Variants in RGS20 observed in about 807,000 individuals in gnomAD.
RGS20 encodes the protein regulator of G protein signaling 20.
Under a neutral mutation model 33.6 loss-of-function variants are expected in RGS20, and 30 were observed. That is an observed-to-expected ratio of 0.89 (90% confidence interval 0.67 to 1.21). The LOEUF is 1.21. Among genes scored for constraint, RGS20 ranks in the 50% most tolerant of loss-of-function variants. The probability of loss-of-function intolerance (pLI) is 0.00; values close to 1 mark genes in which losing one functional copy is unlikely to be tolerated. For synonymous variants in RGS20, 208 were observed against 197.9 expected, an observed-to-expected ratio of 1.05 and a Z score of -0.43; for missense variants, 472 against 502.4, an observed-to-expected ratio of 0.94 and a Z score of 0.58.
chr8:53,951,546 A>G (rs1254864573), intron 4 of RGS20, among the ~76,000 whole-genome samples: 1 of 152,114 alleles, frequency 6.6e-6, no homozygotes, highest in African/African-American at 2.4e-5. Flanking sequence ...AGCTATATTT[A>G]TTGGTCATTT....
intron 5 of RGS20, among the ~76,000 whole-genome samples, chr8:53,955,980 G>C (rs1031930032): frequency 6.6e-6 from 1 of 152,092 alleles, no homozygotes; most frequent in African/African-American, 2.4e-5. Context: ...CTCCTGTCAT[G>C]GAGCTCCTGG....
At position 53,851,924 on chromosome 8, in the gene RGS20, C is replaced by A. The variant is rs1295490167; in HGVS notation, c.25C>A (p.Gln9Lys). Residue 9 changes from glutamine to lysine, a missense_variant, in exon 1 of 6, where the codon CAA (glutamine) becomes AAA (lysine). Transcript: ENST00000297313. ...CATGCCCCAGCTTTCCCAAGATAAC[C>A]AAGAGTGCCTCCAGAAACATTTCTC... 1.9e-6 allele frequency: 3 copies of A among 1,613,966 alleles called. No individual in the cohort carries two copies. Among genetic ancestry groups the A allele is most frequent in the Admixed American group, 1.7e-5 (1 of 59,986 alleles).
At chr8:53,910,573 T>G in intron 2 of RGS20, among the ~76,000 whole-genome samples, 1 of 152,200 alleles carries the variant, frequency 6.6e-6, no homozygotes, top group East Asian at 1.9e-4. Flanking sequence ...ACTTACTATG[T>G]GACCCAGTGA....
intron 2 of RGS20, among the ~76,000 whole-genome samples, chr8:53,923,999 A>G (rs772742722): frequency 2.0e-5 from 3 of 151,224 alleles, no homozygotes; most frequent in Non-Finnish European, 2.9e-5. Flanking sequence ...CTTTCTTCAT[A>G]TGTTTTGGAA....
intron 2 of RGS20, among the ~76,000 whole-genome samples, chr8:53,925,742 A>C (rs543417652): frequency 6.6e-6 from 1 of 152,096 alleles, no homozygotes; most frequent in African/African-American, 2.4e-5. Context: ...TCTCAAAAAA[A>C]AAAGAAGTTA....
chr8:53,892,748 A>G (rs781164937), intron 2 of RGS20, among the ~76,000 whole-genome samples: 3 of 152,226 alleles, frequency 2.0e-5, no homozygotes, highest in Non-Finnish European at 4.4e-5. Flanking sequence ...CCTAATATTT[A>G]TCATTATTTT....
At chr8:53,913,729 G>T (rs575706397) in intron 2 of RGS20, 8 of 152,330 alleles carry the variant, frequency 5.3e-5, no homozygotes, top group Non-Finnish European at 1.0e-4. Flanking sequence ...AGCCTTCAGA[G>T]GCAGATGCCT....
intron 4 of RGS20, among the ~76,000 whole-genome samples, chr8:53,948,245 T>A (rs1326549230): frequency 2.9e-5 from 4 of 137,002 alleles, no homozygotes; most frequent in East Asian, 2.1e-4. Flanking sequence ...GCTATATATA[T>A]GATAGTATAT....
At chr8:53,885,343 G>A (rs573476006) in intron 2 of RGS20, among the ~76,000 whole-genome samples, 2 of 152,336 alleles carry the variant, frequency 1.3e-5, no homozygotes, top group East Asian at 3.9e-4. Flanking sequence ...GCCGGGCGCG[G>A]TGGCTCACGC....
chr8:53,874,384 G>A (rs532129745), intron 1 of RGS20, among the ~76,000 whole-genome samples: 20 of 148,710 alleles, frequency 1.3e-4, no homozygotes, highest in Non-Finnish European at 4.4e-5. Flanking sequence ...GTGTGTGTGT[G>A]TGTGTGTGTG....
chr8:53,956,316 G>A (rs1814862868), intron 5 of RGS20, among the ~76,000 whole-genome samples: 1 of 152,156 alleles, frequency 6.6e-6, no homozygotes, highest in African/African-American at 2.4e-5. Flanking sequence ...AGGGGTAGTC[G>A]GAGAGCATGG....
intron 2 of RGS20, among the ~76,000 whole-genome samples, chr8:53,916,473 G>A (rs1197677731): frequency 6.6e-6 from 1 of 152,172 alleles, no homozygotes; most frequent in South Asian, 2.1e-4. Context: ...GCAACGGTCT[G>A]TGAGAGATAA....
chr8:53,954,332 T>TGGGAAAAGGC, intron 5 of RGS20, 22 bp downstream of exon 4: 1 of 1,483,656 alleles, frequency 6.7e-7, no homozygotes. Flanking sequence ...CGAGATGCCT[T>TGGGAAAAGGC]TTCCCAAGGC....
chr8:53,880,861 G>T lies in RGS20; in HGVS notation c.510+1259G>T. 2.1e-6 allele frequency: 3 copies of T among 1,432,092 alleles called. No homozygotes were observed. The highest frequency in any genetic ancestry group is 2.6e-5 in the Admixed American group (1 of 37,984). The allele number at this position is 1,432,092 out of a possible 1,614,324, so 88.7% of individuals were successfully genotyped here. A position where few individuals can be genotyped will look rare whatever the true frequency, so the allele number is the denominator to read the frequency against. The stretch of plus-strand genomic sequence containing the variant: ...GGCCGGGTAAAAGGAGTGAGGGGGC[G>T]GGGAGGAGGCAGAGCAAGGGGAGGA... On this transcript the variant is annotated intron_variant, in intron 2 of 5. Transcript: ENST00000297313.
chr8:53,869,510 T>C (rs942540982), intron 1 of RGS20, among the ~76,000 whole-genome samples: 9 of 152,028 alleles, frequency 5.9e-5, no homozygotes, highest in African/African-American at 1.9e-4. Context: ...ACCCTGTCTC[T>C]ACTAAAAACA....
At chr8:53,912,512 T>C (rs1319966705) in intron 2 of RGS20, among the ~76,000 whole-genome samples, 1 of 152,234 alleles carries the variant, frequency 6.6e-6, no homozygotes, top group Non-Finnish European at 1.5e-5. Flanking sequence ...TCAGTATTTA[T>C]GAAATCTTTC....
intron 2 of RGS20, among the ~76,000 whole-genome samples, chr8:53,902,732 T>TA (rs1297906315): frequency 8.7e-6 from 1 of 115,154 alleles, no homozygotes; most frequent in Admixed American, 7.6e-5. Context: ...TGATTGGTTC[T>TA]TTTTTTTTTT....
At chr8:53,907,540 C>T (rs1301974393) in intron 2 of RGS20, among the ~76,000 whole-genome samples, 1 of 151,960 alleles carries the variant, frequency 6.6e-6, no homozygotes, top group Non-Finnish European at 1.5e-5. Flanking sequence ...GCCAAGATTG[C>T]CCCATTGCAC....
At chr8:53,879,704 G>C in intron 2 of RGS20, 1 of 1,031,946 alleles carries the variant, frequency 9.7e-7, no homozygotes, top group Non-Finnish European at 1.3e-6. Flanking sequence ...GCTGGGGCTA[G>C]CAGTAGGGAG....
Sources: allele counts gnomAD v4.1 joint callset (sites outside exome capture counted in the v4.1 genomes callset), GRCh38; gene constraint gnomAD v4.1.1; transcripts MANE v1.5; gene names NCBI Gene and HGNC (gene_info 2026-07-23, HGNC 2026-07-21).